The following ZNF813 variants were observed in gnomAD, a reference collection of about 807,000 sequenced individuals.
The protein encoded by ZNF813 is zinc finger protein 813.
In ZNF813, 3 loss-of-function variants were observed where a neutral mutation model predicts 7.2. The ratio of observed to expected loss-of-function variants is 0.42; its 90% CI spans 0.19 to 1.08. The LOEUF (loss-of-function observed/expected upper bound fraction) is 1.08, where lower values mean the gene tolerates loss of function less well. Among genes scored for constraint, ZNF813 ranks in the 50% least tolerant of loss-of-function variants. The probability of loss-of-function intolerance (pLI) is 0.30; values close to 1 mark genes in which losing one functional copy is unlikely to be tolerated. For synonymous variants in ZNF813, 227 were observed against 256.3 expected, an observed-to-expected ratio of 0.89 and a Z score of 1.09; for missense variants, 714 against 753.3, an observed-to-expected ratio of 0.95 and a Z score of 0.61.
Position 53,479,223 on chromosome 19 carries a change from C to T in ZNF813, c.-73-4527C>T, listed in dbSNP as rs1212082996. ...GTGCTGGGATTACAGGTGTGAGCAACCACGCCCAGCTGAGATAAATCTTAG... is the reference window on the plus strand; with the variant it reads ...GTGCTGGGATTACAGGTGTGAGCAATCACGCCCAGCTGAGATAAATCTTAG... On this transcript the variant is annotated intron_variant, in intron 1 of 3. Transcript: ENST00000396403. 5.4e-6 allele frequency: 5 copies of T among 929,020 alleles called. No individual in the cohort carries two copies. In the East Asian group the frequency reaches 1.5e-4, roughly 28 times the overall value. The allele number at this position is 929,020 out of a possible 1,614,324, so 57.5% of individuals were successfully genotyped here.
Position 53,473,474 on chromosome 19 carries a change from G to A in ZNF813, c.-74+5685G>A, listed in dbSNP as rs1201616639. On this transcript the variant is annotated intron_variant, in intron 1 of 3. Transcript: ENST00000396403. ...ATCTCAGGATCAGCTGAGTTGGATG[G>A]TCTGGGTCTTGCTGGCTGGTCCACT... 8.5e-5 allele frequency among the ~76,000 whole-genome samples: 13 copies of A among 152,300 alleles called. No individual in the cohort carries two copies. In the East Asian group the frequency reaches 2.1e-3, roughly 25 times the overall value.
At chr19:53,469,760 A>G (rs1053763836) in intron 1 of ZNF813, among the ~76,000 whole-genome samples, 1 of 150,256 alleles carries the variant, frequency 6.7e-6, no homozygotes, top group African/African-American at 2.4e-5. Flanking sequence ...GAAGCACAGC[A>G]GGGAGGACAC....
chr19:53,491,248 C>T lies in ZNF813; in HGVS notation c.1016C>T (p.Thr339Met), dbSNP rs376945999. 50 of 1,612,314 alleles carry T rather than the reference C, an allele frequency of 3.1e-5. No homozygotes were observed. The African/African-American group carries it at 5.0e-4, about 16-fold the overall frequency. ...GAATGTGGCAAGACCTTTAGTCAGA[C>T]GTCATCCCTTACATGCCATCGTAGA... ...CNECGKTFSQ[T>M]SSLTCHRRLH... is the part of the protein sequence containing the mutation. Residue 339 changes from threonine (T) to methionine (M), a missense_variant, in exon 4 of 4, where the codon ACG becomes ATG. This residue lies in a region of ZNF813 where 563 missense variants were observed against 554.2 expected (regional missense o/e 1.02). Transcript: ENST00000396403.
chr19:53,481,102 C>T (rs950418390), intron 1 of ZNF813, among the ~76,000 whole-genome samples: 6 of 151,996 alleles, frequency 3.9e-5, no homozygotes, highest in African/African-American at 7.3e-5. Flanking sequence ...ACATGTTCTG[C>T]GACTTGAGAT....
chr19:53,479,877 A>G, intron 1 of ZNF813: 2 of 1,004,660 alleles, frequency 2.0e-6, no homozygotes, highest in Admixed American at 1.7e-5. Flanking sequence ...GAAGAAAAGT[A>G]CCCTCAAAAA....
rs570613912 is a variant in ZNF813, at chr19:53,484,777, G to A, written c.15+940G>A. Among the ~76,000 whole-genome samples the A allele has an allele frequency of 2.0e-5, 3 of 152,338 alleles. No individual in the cohort carries two copies. In the South Asian group the frequency reaches 6.2e-4, roughly 32 times the overall value. ...TGACGGGTATCACCATGTTGGCCAG[G>A]CTGGTCTCAAACTGCTGATCTCAGG... On this transcript the variant is annotated intron_variant, in intron 2 of 3. Transcript: ENST00000396403.
Position 53,492,640 on chromosome 19 carries a change from G to T in ZNF813, c.*554G>T. On this transcript the variant is annotated 3_prime_UTR_variant, in exon 4 of 4. Coordinates refer to ENST00000396403, the MANE Select transcript of ZNF813 (RefSeq NM_001004301.4). Reference sequence around the variant, plus strand: ...AGGAAACTTGACTAATGTAATGATTGTCACCAAGTCTTCAGTAACGCTACA... The same window carrying T: ...AGGAAACTTGACTAATGTAATGATTTTCACCAAGTCTTCAGTAACGCTACA... 1 of 770,508 alleles carries T rather than the reference G, an allele frequency of 1.3e-6. No homozygotes were observed. The highest frequency in any genetic ancestry group is 1.9e-5 in the Admixed American group (1 of 51,908). The allele number at this position is 770,508 out of a possible 1,614,324, so 47.7% of individuals were successfully genotyped here. A position where few individuals can be genotyped will look rare whatever the true frequency, so the allele number is the denominator to read the frequency against.
intron 1 of ZNF813, among the ~76,000 whole-genome samples, chr19:53,476,628 C>T (rs1426136227): frequency 7.2e-6 from 1 of 138,206 alleles, no homozygotes; most frequent in Non-Finnish European, 1.6e-5. Context: ...GACTCCATCT[C>T]AAAAAAAAAA....
chr19:53,485,125 TAAAAA>T (rs947082132), intron 2 of ZNF813, among the ~76,000 whole-genome samples: 1 of 151,380 alleles, frequency 6.6e-6, no homozygotes, highest in African/African-American at 2.4e-5. Flanking sequence ...TGCTGTAAAT[TAAAAA>T]AAAATACTTT....
intron 1 of ZNF813, among the ~76,000 whole-genome samples, chr19:53,472,934 C>A (rs878954684): frequency 4.6e-5 from 7 of 151,480 alleles, no homozygotes; most frequent in African/African-American, 7.3e-5. Flanking sequence ...AGTTCTTAAG[C>A]GAGTCCTTGT....
intron 1 of ZNF813, among the ~76,000 whole-genome samples, chr19:53,474,114 G>A (rs2086371704): frequency 6.6e-6 from 1 of 152,150 alleles, no homozygotes; most frequent in Admixed American, 6.5e-5. Flanking sequence ...TCCAAACCTG[G>A]GAAGAAGTCT....
At chr19:53,480,980 A>G (rs1395432558) in intron 1 of ZNF813, among the ~76,000 whole-genome samples, 1 of 152,224 alleles carries the variant, frequency 6.6e-6, no homozygotes, top group African/African-American at 2.4e-5. Flanking sequence ...GGAAGCCCAC[A>G]CTATTTATTG....
rs1427364799 is a variant in ZNF813, at chr19:53,489,458, C to T, written c.143-917C>T. 3.3e-5 allele frequency among the ~76,000 whole-genome samples: 5 copies of T among 151,808 alleles called. No homozygotes were observed. The East Asian group carries it at 6.0e-4, about 18-fold the overall frequency. On this transcript the variant is annotated intron_variant, in intron 3 of 3. Coordinates refer to ENST00000396403, the MANE Select transcript of ZNF813 (RefSeq NM_001004301.4). Reference sequence around the variant, plus strand: ...ATCTACTAAAAATACAAAAATTAGCCAAGCATGCTGGCATGTGCCTATTAT... The same window carrying T: ...ATCTACTAAAAATACAAAAATTAGCTAAGCATGCTGGCATGTGCCTATTAT...
intron 1 of ZNF813, among the ~76,000 whole-genome samples, chr19:53,481,878 G>T (rs1370278656): frequency 1.3e-5 from 2 of 152,148 alleles, no homozygotes; most frequent in African/African-American, 2.4e-5. Context: ...AATTTTCAAG[G>T]ATAGGGGTGA....
At chr19:53,488,322 CT>C in intron 3 of ZNF813, 1 of 440,278 alleles carries the variant, frequency 2.3e-6, no homozygotes, top group Non-Finnish European at 4.5e-6. Flanking sequence ...CGCGCCCTGC[CT>C]GTCTGTCTTT....
intron 1 of ZNF813, among the ~76,000 whole-genome samples, chr19:53,471,716 G>T (rs2147153794): frequency 6.6e-6 from 1 of 151,526 alleles, no homozygotes; most frequent in South Asian, 2.1e-4. Flanking sequence ...GGAGGCTGAG[G>T]CAGGAGAATG....
At chr19:53,476,128 A>G (rs2086380669) in intron 1 of ZNF813, among the ~76,000 whole-genome samples, 1 of 152,132 alleles carries the variant, frequency 6.6e-6, no homozygotes, top group African/African-American at 2.4e-5. Flanking sequence ...ACCTAGATAT[A>G]TGGAACCTCT....
chr19:53,482,218 A>G (rs376172073), intron 1 of ZNF813, among the ~76,000 whole-genome samples: 68 of 152,330 alleles, frequency 4.5e-4, no homozygotes, highest in African/African-American at 1.5e-3. Context: ...ATGCAAAAGA[A>G]TGGAAGAAAC....
At chr19:53,476,628 CAAAA>C (rs34399793) in intron 1 of ZNF813, among the ~76,000 whole-genome samples, 2 of 138,196 alleles carry the variant, frequency 1.4e-5, no homozygotes, top group Non-Finnish European at 3.1e-5. Flanking sequence ...GACTCCATCT[CAAAA>C]AAAAAAAAAA....
Sources: allele counts gnomAD v4.1 joint callset (sites outside exome capture counted in the v4.1 genomes callset), GRCh38; gene constraint gnomAD v4.1.1; regional missense constraint gnomAD v4.1.1; transcripts MANE v1.5; gene names NCBI Gene and HGNC (gene_info 2026-07-23, HGNC 2026-07-21).